Variants in VOPP1 observed in about 807,000 individuals in gnomAD.
The protein encoded by VOPP1 is WW domain binding protein VOPP1.
VOPP1 carries 8 observed loss-of-function variants against 23.5 expected under a neutral mutation model. That is an observed-to-expected ratio of 0.34 (90% CI 0.20 to 0.61). VOPP1 has a LOEUF of 0.61. Ranked by LOEUF, VOPP1 falls within the 20% of genes least tolerant of loss-of-function variation. The pLI is 0.78. For synonymous variants in VOPP1, 83 were observed against 97.3 expected (o/e 0.85, Z 0.86); for missense variants, 174 against 238.1 (o/e 0.73, Z 1.77).
intron 4 of VOPP1, among the ~76,000 whole-genome samples, chr7:55,440,264 A>G (rs971940520): frequency 2.0e-5 from 3 of 152,186 alleles, no homozygotes; most frequent in African/African-American, 7.2e-5. Context: ...GGGGTGGCTC[A>G]TGTCTGTGAA....
intron 1 of VOPP1, among the ~76,000 whole-genome samples, chr7:55,567,175 C>T (rs925752700): frequency 6.6e-6 from 1 of 152,202 alleles, no homozygotes; most frequent in Admixed American, 6.5e-5. Context: ...TTACCACTGA[C>T]GGCTTTACTC....
chr7:55,501,729 C>T (rs1014019964), intron 2 of VOPP1, among the ~76,000 whole-genome samples: 5 of 152,116 alleles, frequency 3.3e-5, no homozygotes, highest in East Asian at 1.9e-4. Context: ...CTCCTCTGCA[C>T]GTGCTGATGG....
intron 1 of VOPP1, among the ~76,000 whole-genome samples, chr7:55,565,475 C>T (rs1343285330): frequency 2.0e-5 from 3 of 152,104 alleles, no homozygotes; most frequent in African/African-American, 7.2e-5. Flanking sequence ...TTGGATAAAA[C>T]CAACAGGAGT....
downstream of VOPP1, among the ~76,000 whole-genome samples, chr7:55,469,032 T>G (rs1289011461): frequency 6.6e-6 from 1 of 152,260 alleles, no homozygotes; most frequent in Non-Finnish European, 1.5e-5. Context: ...CTAGTTTTTA[T>G]AGTATAAATA....
chr7:55,544,041 A>G (rs763100648), intron 1 of VOPP1, among the ~76,000 whole-genome samples: 1 of 152,222 alleles, frequency 6.6e-6, no homozygotes, highest in Admixed American at 6.5e-5. Context: ...ATACTTTCAT[A>G]GTTCCAGGTC....
At chr7:55,490,891 A>G (rs1375145908) in intron 4 of VOPP1, among the ~76,000 whole-genome samples, 1 of 152,248 alleles carries the variant, frequency 6.6e-6, no homozygotes, top group Non-Finnish European at 1.5e-5. Flanking sequence ...TCTTTCTGAA[A>G]GGAAAACCCT....
chr7:55,522,718 T>C (rs1280975410), intron 1 of VOPP1, among the ~76,000 whole-genome samples: 2 of 152,160 alleles, frequency 1.3e-5, no homozygotes, highest in Non-Finnish European at 2.9e-5. Context: ...GCCTGGGGCC[T>C]GGCTGCTCCA....
chr7:55,450,235 C>T (rs927194009), intron 4 of VOPP1, among the ~76,000 whole-genome samples: 5 of 152,152 alleles, frequency 3.3e-5, no homozygotes, highest in African/African-American at 9.7e-5. Context: ...GTTACCTCCC[C>T]GACCTGGGGG....
intron 2 of VOPP1, among the ~76,000 whole-genome samples, chr7:55,519,597 T>C (rs1418521833): frequency 1.3e-5 from 2 of 152,002 alleles, no homozygotes; most frequent in African/African-American, 2.4e-5. Context: ...ACCACTTCTC[T>C]TCAACCTGAC....
At chr7:55,562,521 G>T (rs952202460) in intron 1 of VOPP1, among the ~76,000 whole-genome samples, 1 of 152,186 alleles carries the variant, frequency 6.6e-6, no homozygotes, top group African/African-American at 2.4e-5. Context: ...TGCAATAGGG[G>T]TCAATCTATC....
intron 1 of VOPP1, among the ~76,000 whole-genome samples, chr7:55,565,427 T>G (rs1798132119): frequency 6.6e-6 from 1 of 152,236 alleles, no homozygotes; most frequent in African/African-American, 2.4e-5. Flanking sequence ...AGAATCTCTG[T>G]AATTGACTCT....
intron 1 of VOPP1, among the ~76,000 whole-genome samples, chr7:55,524,394 T>G (rs760899548): frequency 2.6e-5 from 4 of 152,208 alleles, no homozygotes; most frequent in Non-Finnish European, 5.9e-5. Context: ...GTAGCTCCAT[T>G]TTGTTGCTGC....
downstream of VOPP1, among the ~76,000 whole-genome samples, chr7:55,469,335 T>G (rs958213253): frequency 6.6e-6 from 1 of 152,138 alleles, no homozygotes; most frequent in African/African-American, 2.4e-5. Flanking sequence ...AAGCTGGTGT[T>G]TTAGATGACT....
intron 1 of VOPP1, among the ~76,000 whole-genome samples, chr7:55,540,606 G>C (rs768027038): frequency 7.9e-5 from 12 of 152,066 alleles, no homozygotes; most frequent in Middle Eastern, 6.8e-3. Context: ...CCTCCACCTG[G>C]TGCCCAGCCG....
rs148420059 is a variant in VOPP1 at position 55,569,430 on chromosome 7, C to T, written c.54+2841G>A. 2.9e-4 allele frequency among the ~76,000 whole-genome samples: 44 copies of T among 152,280 alleles called. No individual in the cohort carries two copies. In the East Asian group the frequency reaches 7.9e-3, roughly 27 times the overall value. ...CTTTCCAGGGCCACCACTGCCCTCG[C>T]GATGTAGAGCATGCAAATTCCTAAC... On this transcript the variant is annotated intron_variant, in intron 1 of 4. Coordinates refer to ENST00000285279, the MANE Select transcript of VOPP1 (RefSeq NM_030796.5).
At chr7:55,510,841 C>T (rs1795026833) in intron 2 of VOPP1, among the ~76,000 whole-genome samples, 1 of 152,058 alleles carries the variant, frequency 6.6e-6, no homozygotes, top group Middle Eastern at 3.2e-3. Context: ...CCCATGCCTG[C>T]ACTCCTCCCA....
intron 4 of VOPP1, among the ~76,000 whole-genome samples, chr7:55,485,108 T>C (rs184498722): frequency 1.4e-4 from 22 of 152,342 alleles, no homozygotes; most frequent in African/African-American, 5.0e-4. Context: ...GTAATTTTTT[T>C]CTCCCCTTTT....
rs559394726 is a variant in VOPP1, at chr7:55,532,530, T to C, written c.55-11400A>G. 3.5e-4 allele frequency among the ~76,000 whole-genome samples: 53 copies of C among 152,314 alleles called. 1 individual carries two copies. The South Asian group carries it at 0.01, about 29-fold the overall frequency. ...AGTTAACATTCTCTACAACGTACTT[T>C]TGTGTCTCTATGGAGAGTGAGAATA... On this transcript the variant is annotated intron_variant, in intron 1 of 4. Coordinates refer to ENST00000285279, the MANE Select transcript of VOPP1 (RefSeq NM_030796.5).
At chr7:55,563,263 T>C (rs1275493133) in intron 1 of VOPP1, among the ~76,000 whole-genome samples, 1 of 152,216 alleles carries the variant, frequency 6.6e-6, no homozygotes, top group Non-Finnish European at 1.5e-5. Context: ...AAGAAAATTC[T>C]ATAAAGTAGA....
Sources: allele counts gnomAD v4.1 joint callset (sites outside exome capture counted in the v4.1 genomes callset), GRCh38; gene constraint gnomAD v4.1.1; transcripts MANE v1.5; gene names NCBI Gene and HGNC (gene_info 2026-07-23, HGNC 2026-07-21).